The following SAMD5 variants were observed in gnomAD, a reference collection of about 807,000 sequenced individuals.
The protein encoded by SAMD5 is sterile alpha motif domain-containing protein 5.
In SAMD5, 13 loss-of-function variants were observed where a neutral mutation model predicts 11.3. The observed-to-expected ratio is 1.15, with a 90% CI of 0.75 to 1.83. The LOEUF is 1.83. SAMD5 is among the 40% of genes most tolerant of loss of function. The pLI is 0.00. For synonymous variants in SAMD5, 129 were observed against 111.3 expected (o/e 1.16, Z -1.00); for missense variants, 255 against 239.1 (o/e 1.07, Z -0.44).
At chr6:147,634,496 G>C (rs1790195869) in intron 1 of SAMD5, among the ~76,000 whole-genome samples, 1 of 152,102 alleles carries the variant, frequency 6.6e-6, no homozygotes, top group Non-Finnish European at 1.5e-5. Context: ...ATGAGATTTG[G>C]GTGGGGAAAA....
intron 1 of SAMD5, among the ~76,000 whole-genome samples, chr6:147,648,206 G>A (rs1462241535): frequency 6.6e-6 from 1 of 152,202 alleles, no homozygotes; most frequent in Non-Finnish European, 1.5e-5. Flanking sequence ...AGCATGGCGA[G>A]GGAGGCCTCA....
At chr6:147,925,675 G>T in the SAMD5 span, among the ~76,000 whole-genome samples, 2 of 138,326 alleles carry the variant, frequency 1.4e-5, no homozygotes, top group Non-Finnish European at 3.0e-5. Context: ...GATTCTGACT[G>T]AGAATTCTTT....
chr6:147,539,184 A>C (rs1006053843), intron 1 of SAMD5, among the ~76,000 whole-genome samples: 3 of 152,256 alleles, frequency 2.0e-5, no homozygotes, highest in Non-Finnish European at 4.4e-5. Flanking sequence ...AAAAGGAGGG[A>C]AATAACTCCA....
At chr6:147,877,022 A>G in the SAMD5 span, among the ~76,000 whole-genome samples, 1 of 152,154 alleles carries the variant, frequency 6.6e-6, no homozygotes, top group Non-Finnish European at 1.5e-5. Flanking sequence ...AAGCAGACCC[A>G]TCATTTAACA....
intron 1 of SAMD5, among the ~76,000 whole-genome samples, chr6:147,651,261 A>G (rs903298250): frequency 5.9e-5 from 9 of 152,230 alleles, no homozygotes; most frequent in Non-Finnish European, 1.3e-4. Context: ...TCCAGCTCGC[A>G]TTGTAGGAAC....
chr6:147,894,797 C>T, the SAMD5 span, among the ~76,000 whole-genome samples: 8 of 152,146 alleles, frequency 5.3e-5, no homozygotes, highest in Non-Finnish European at 7.4e-5. Flanking sequence ...CCCATTTTAC[C>T]AATGAAGTAA....
downstream of SAMD5, among the ~76,000 whole-genome samples, chr6:147,738,360 C>A (rs1175149194): frequency 6.6e-6 from 1 of 152,106 alleles, no homozygotes; most frequent in Admixed American, 6.5e-5. Flanking sequence ...GGTTTCTTTA[C>A]CTGTTTCGTT....
intron 1 of SAMD5, among the ~76,000 whole-genome samples, chr6:147,725,263 A>T (rs1791608875): frequency 6.6e-6 from 1 of 152,082 alleles, no homozygotes. Flanking sequence ...AGACTAGCTG[A>T]TTGATGGTTG....
chr6:147,536,511 T>G (rs902090122), intron 1 of SAMD5, among the ~76,000 whole-genome samples: 1 of 152,150 alleles, frequency 6.6e-6, no homozygotes, highest in Non-Finnish European at 1.5e-5. Context: ...ATGCATTAGC[T>G]TTTTATGAGA....
chr6:147,746,997 A>G, the SAMD5 span, among the ~76,000 whole-genome samples: 1 of 152,210 alleles, frequency 6.6e-6, no homozygotes, highest in East Asian at 1.9e-4. Flanking sequence ...CATGTTCAGT[A>G]ACAGTCACAG....
chr6:147,579,795 A>G (rs9485201), intron 1 of SAMD5, among the ~76,000 whole-genome samples: 22,488 of 152,022 alleles, frequency 0.15, 2,078 homozygotes, highest in East Asian at 0.29. Context: ...TGGAGGGCAT[A>G]TTTTATTTTA....
downstream of SAMD5, among the ~76,000 whole-genome samples, chr6:147,738,022 G>A (rs1791829760): frequency 6.6e-6 from 1 of 152,088 alleles, no homozygotes; most frequent in Non-Finnish European, 1.5e-5. Flanking sequence ...GTAATCAGCT[G>A]CTCACCACTC....
chr6:147,899,412 G>C, the SAMD5 span, among the ~76,000 whole-genome samples: 1 of 152,080 alleles, frequency 6.6e-6, no homozygotes, highest in African/African-American at 2.4e-5. Flanking sequence ...CACAGTGTGT[G>C]TTTATAAGGC....
Position 147,568,340 on chromosome 6 carries a change from G to A in SAMD5, c.*3884G>A, listed in dbSNP as rs1297305959. The A allele has an allele frequency of 6.8e-5, 67 of 985,120 alleles. No individual in the cohort carries two copies. Among genetic ancestry groups the A allele is most frequent in the Non-Finnish European group, 7.7e-5 (64 of 829,798 alleles). The allele number at this position is 985,120 out of a possible 1,614,324, so 61.0% of individuals were successfully genotyped here. ...TATTGTAACAGGTCTCTTGCACAGG[G>A]GGTTGAAAAATAAAAAAAGAAGTTA... On this transcript the variant is annotated 3_prime_UTR_variant, in exon 2 of 2. Transcript: ENST00000367474.
chr6:147,859,363 A>G, the SAMD5 span, among the ~76,000 whole-genome samples: 1 of 152,234 alleles, frequency 6.6e-6, no homozygotes, highest in Non-Finnish European at 1.5e-5. Context: ...AAAGGCAAAC[A>G]AAACAAATTC....
intron 1 of SAMD5, among the ~76,000 whole-genome samples, chr6:147,712,164 TC>T (rs1177251660): frequency 6.6e-6 from 1 of 152,240 alleles, no homozygotes; most frequent in Non-Finnish European, 1.5e-5. Flanking sequence ...TTTTATATTT[TC>T]TAAGTGTACT....
the SAMD5 span, among the ~76,000 whole-genome samples, chr6:147,808,303 G>C: frequency 6.6e-6 from 1 of 152,188 alleles, no homozygotes; most frequent in African/African-American, 2.4e-5. Context: ...TCTGGAATCA[G>C]GTGATCCAGT....
At chr6:147,806,502 C>T in the SAMD5 span, among the ~76,000 whole-genome samples, 1,263 of 152,280 alleles carry the variant, frequency 8.3e-3, 13 homozygotes, top group African/African-American at 0.029. Flanking sequence ...AACAAGCTCC[C>T]GCCTACTTGC....
chr6:147,768,497 CAAACA>C, the SAMD5 span, among the ~76,000 whole-genome samples: 4 of 151,690 alleles, frequency 2.6e-5, no homozygotes, highest in African/African-American at 7.3e-5. Flanking sequence ...GACTCCGTCT[CAAACA>C]AAACAAAACA....
Sources: allele counts gnomAD v4.1 joint callset (sites outside exome capture counted in the v4.1 genomes callset), GRCh38; gene constraint gnomAD v4.1.1; transcripts MANE v1.5; gene names NCBI Gene and HGNC (gene_info 2026-07-23, HGNC 2026-07-21).